Variants in PUM1 observed in about 807,000 individuals in gnomAD.
PUM1 encodes pumilio homolog 1.
Under a neutral mutation model 131.8 loss-of-function variants are expected in PUM1, and 13 were observed. The observed-to-expected ratio is 0.10, with a 90% CI of 0.06 to 0.16. The LOEUF is 0.16. Ranked by LOEUF, PUM1 falls within the 10% of genes least tolerant of loss-of-function variation. The probability of loss-of-function intolerance (pLI) is 1.00; values close to 1 mark genes in which losing one functional copy is unlikely to be tolerated. For missense variants in PUM1, 961 were observed against 1,512.4 expected (o/e 0.64, Z 6.05); for synonymous variants, 509 against 556.5 (o/e 0.91, Z 1.20).
intron 5 of PUM1, among the ~76,000 whole-genome samples, chr1:30,999,322 A>C (rs1049838091): frequency 6.6e-6 from 1 of 151,858 alleles, no homozygotes; most frequent in Non-Finnish European, 1.5e-5. Context: ...AAAATACTGA[A>C]CCCGCCAGGT....
intron 18 of PUM1, 100 bp downstream of exon 18, chr1:30,945,243 AAAG>A: frequency 1.5e-6 from 2 of 1,346,526 alleles, no homozygotes. Flanking sequence ...CAAAAAAAAT[AAAG>A]TACATTAAGC....
At chr1:31,007,135 A>T in intron 3 of PUM1, 33 bp from the exon 4 acceptor site, 1 of 1,504,590 alleles carries the variant, frequency 6.6e-7, no homozygotes, top group East Asian at 2.3e-5. Context: ...GCTTTTAAAG[A>T]ATTCATAAAG....
chr1:30,995,766 T>C (rs1284356017), intron 5 of PUM1, among the ~76,000 whole-genome samples: 1 of 152,226 alleles, frequency 6.6e-6, no homozygotes, highest in Non-Finnish European at 1.5e-5. Context: ...CTGTACCTGA[T>C]CTTGGGATAT....
Position 30,971,615 on chromosome 1 carries a change from C to T in PUM1, c.1506+3036G>A, listed in dbSNP as rs548534243. Among the ~76,000 whole-genome samples the T allele has an allele frequency of 5.3e-5, 8 of 152,292 alleles. No homozygotes were observed. In the South Asian group the frequency reaches 1.7e-3, roughly 32 times the overall value. On this transcript the variant is annotated intron_variant, in intron 10 of 21. Transcript: ENST00000426105. ...ATGGTCAGAAGAAAAGTTGTCAAGA[C>T]AGAGGCTTATGTTCAAATCTTAACA...
At chr1:31,054,662 A>G (rs1644197435) in intron 2 of PUM1, among the ~76,000 whole-genome samples, 2 of 152,160 alleles carry the variant, frequency 1.3e-5, no homozygotes, top group African/African-American at 4.8e-5. Flanking sequence ...CTTAGAACAC[A>G]TATGTAATAA....
chr1:31,054,100 A>G (rs1210570314), intron 2 of PUM1, among the ~76,000 whole-genome samples: 1 of 141,412 alleles, frequency 7.1e-6, no homozygotes, highest in Non-Finnish European at 1.6e-5. Flanking sequence ...TTTCAAAAAA[A>G]AAAAAAAAAA....
chr1:31,019,859 T>C (rs957740352), intron 3 of PUM1, among the ~76,000 whole-genome samples: 2 of 152,196 alleles, frequency 1.3e-5, no homozygotes, highest in African/African-American at 4.8e-5. Flanking sequence ...TATCTACAGG[T>C]TACCTATAAA....
Position 31,065,649 on chromosome 1 carries a change from C to T in PUM1, c.-45G>A. ...CGGTAGGATGAAGATGGATTTCAGCCCCCCGATCTTCTCTCTCTGGCGCTC... is the reference window on the plus strand; with the variant it reads ...CGGTAGGATGAAGATGGATTTCAGCTCCCCGATCTTCTCTCTCTGGCGCTC... On this transcript the variant is annotated 5_prime_UTR_variant, in exon 1 of 22. Coordinates refer to ENST00000426105, the MANE Select transcript of PUM1 (RefSeq NM_001020658.2). 6.5e-7 allele frequency: 1 copy of T among 1,549,508 alleles called. No individual in the cohort carries two copies. Among genetic ancestry groups the T allele is most frequent in the Non-Finnish European group, 8.7e-7 (1 of 1,146,856 alleles).
At chr1:30,984,563 C>G (rs1232670261) in intron 7 of PUM1, among the ~76,000 whole-genome samples, 1 of 152,146 alleles carries the variant, frequency 6.6e-6, no homozygotes, top group Non-Finnish European at 1.5e-5. Flanking sequence ...ACAAGTTGTT[C>G]AAGAGTCTGA....
intron 7 of PUM1, among the ~76,000 whole-genome samples, chr1:30,985,981 G>A (rs1641541639): frequency 6.6e-6 from 1 of 151,738 alleles, no homozygotes; most frequent in South Asian, 2.1e-4. Flanking sequence ...TGGAGACAGA[G>A]TGAGACTCTG....
intron 1 of PUM1, among the ~76,000 whole-genome samples, chr1:31,060,612 C>A (rs943947647): frequency 1.3e-5 from 2 of 151,890 alleles, no homozygotes; most frequent in Non-Finnish European, 2.9e-5. Flanking sequence ...ATTGGCCAGG[C>A]GAGGTGGCTC....
intron 3 of PUM1, among the ~76,000 whole-genome samples, chr1:31,010,595 T>C (rs1642576815): frequency 6.6e-6 from 1 of 152,172 alleles, no homozygotes; most frequent in South Asian, 2.1e-4. Context: ...CCCACTGAAC[T>C]CTGCCTCTGC....
At chr1:31,059,615 T>A in intron 1 of PUM1, 38 bp from the exon 2 acceptor site, 2 of 1,531,260 alleles carry the variant, frequency 1.3e-6, no homozygotes, top group Non-Finnish European at 1.8e-6. Context: ...AATATTTCCA[T>A]CTTTTGAAAC....
chr1:30,994,718 G>A (rs1641922207), intron 6 of PUM1, among the ~76,000 whole-genome samples: 1 of 152,160 alleles, frequency 6.6e-6, no homozygotes, highest in South Asian at 2.1e-4. Flanking sequence ...CGGTAATTTG[G>A]GAGAAACTTA....
intron 2 of PUM1, among the ~76,000 whole-genome samples, chr1:31,056,978 A>C (rs1644255941): frequency 6.6e-6 from 1 of 151,958 alleles, no homozygotes; most frequent in Non-Finnish European, 1.5e-5. Context: ...TTTTTAGTAG[A>C]GACAGGGTTT....
intron 4 of PUM1, 73 bp from the exon 5 acceptor site, chr1:31,006,104 A>C: frequency 2.3e-6 from 3 of 1,330,262 alleles, no homozygotes; most frequent in Non-Finnish European, 3.0e-6. Context: ...TGTCTCATGG[A>C]TAACCAATGG....
At chr1:31,006,374 A>G (rs938787495) in intron 4 of PUM1, among the ~76,000 whole-genome samples, 1 of 152,180 alleles carries the variant, frequency 6.6e-6, no homozygotes, top group Admixed American at 6.5e-5. Flanking sequence ...GCCCTTTTTA[A>G]AAACAATATA....
intron 2 of PUM1, among the ~76,000 whole-genome samples, chr1:31,045,975 G>A (rs1473447523): frequency 1.3e-5 from 2 of 152,096 alleles, no homozygotes; most frequent in Non-Finnish European, 2.9e-5. Context: ...CCGGCTACTC[G>A]GGAGCCTGAG....
intron 10 of PUM1, among the ~76,000 whole-genome samples, chr1:30,971,720 TA>T (rs1640878133): frequency 2.0e-5 from 3 of 152,174 alleles, no homozygotes; most frequent in Admixed American, 2.0e-4. Context: ...TTCTATTTCA[TA>T]AAACAAGAAG....
Sources: allele counts gnomAD v4.1 joint callset (sites outside exome capture counted in the v4.1 genomes callset), GRCh38; gene constraint gnomAD v4.1.1; transcripts MANE v1.5; gene names NCBI Gene and HGNC (gene_info 2026-07-23, HGNC 2026-07-21).